MAP3K21: variants seen among roughly 807,000 people sequenced by gnomAD.
MAP3K21 encodes the protein mitogen-activated protein kinase kinase kinase 21.
Under a neutral mutation model 86.1 loss-of-function variants are expected in MAP3K21, and 63 were observed. The ratio of observed to expected loss-of-function variants is 0.73; its 90% CI spans 0.60 to 0.90. The LOEUF (loss-of-function observed/expected upper bound fraction) is 0.90, where lower values mean the gene tolerates loss of function less well. Among genes scored for constraint, MAP3K21 ranks in the 40% least tolerant of loss-of-function variants. The probability of loss-of-function intolerance (pLI) is 0.00; values close to 1 mark genes in which losing one functional copy is unlikely to be tolerated. For synonymous variants in MAP3K21, 558 were observed against 564.8 expected, an observed-to-expected ratio of 0.99 and a Z score of 0.17; for missense variants, 1,220 against 1,367.7, an observed-to-expected ratio of 0.89 and a Z score of 1.70.
At chr1:233,361,289 G>T (rs1663461427) in intron 4 of MAP3K21, among the ~76,000 whole-genome samples, 1 of 152,100 alleles carries the variant, frequency 6.6e-6, no homozygotes, top group African/African-American at 2.4e-5. Flanking sequence ...CCAAGATGAG[G>T]TCTAACTTTA....
intron 5 of MAP3K21, 118 bp downstream of exon 5, chr1:233,362,411 A>C (rs994248600): frequency 1.9e-6 from 2 of 1,052,714 alleles, no homozygotes; most frequent in Non-Finnish European, 2.8e-6. Flanking sequence ...ACAGTGAATG[A>C]ATGAGTATCT....
In MAP3K21 at chr1:233,346,467, T is replaced by G; in HGVS notation, c.831T>G (p.His277Gln). The G allele has an allele frequency of 1.2e-6, 2 of 1,611,764 alleles. No homozygotes were observed. Among genetic ancestry groups the G allele is most frequent in the East Asian group, 4.5e-5 (2 of 44,856 alleles). ...SNILLLEKIE[H>Q]DDICNKTLKI... Reference sequence around the variant, plus strand: ...TTTTGCTACTTGAGAAGATAGAACATGATGACATCTGCAATAAAACTTTGA... The same window carrying G: ...TTTTGCTACTTGAGAAGATAGAACAGGATGACATCTGCAATAAAACTTTGA... The change falls in exon 2 of 10, where the codon CAT (histidine) becomes CAG (glutamine). Residue 277 changes from histidine (H) to glutamine (Q), a missense_variant. His to Gln is a conservative substitution (Grantham distance 24). Transcript: ENST00000366624.
At position 233,328,155 on chromosome 1, in the gene MAP3K21, T is replaced by G. The variant is rs1302373941; in HGVS notation, c.127T>G (p.Trp43Gly). The change falls in exon 1 of 10, where the codon TGG (tryptophan) becomes GGG (glycine). Residue 43 changes from tryptophan (W) to glycine (G), a missense_variant. Around this residue, in one of 5 missense-constraint regions of MAP3K21, gnomAD observed 369 missense variants for 385.3 expected, o/e 0.96. Coordinates refer to ENST00000366624, the MANE Select transcript of MAP3K21 (RefSeq NM_032435.3). This position sits in a 1 kb window ranked among gnomAD's most constrained non-coding sequence, Gnocchi z 8.7. ...GGSASAGAGL[W>G]AALYDYEARG... ...CTCGGCCTCGGCGGGCGCGGGGCTG[T>G]GGGCCGCGCTCTATGACTACGAGGC... is the stretch of plus-strand genomic sequence containing the variant. 2 of 1,452,026 alleles carry G rather than the reference T, an allele frequency of 1.4e-6. No individual in the cohort carries two copies. Among genetic ancestry groups the G allele is most frequent in the Non-Finnish European group, 1.8e-6 (2 of 1,108,378 alleles). 89.9% of individuals were successfully genotyped at this position (1,452,026 alleles called of 1,614,324 possible).
chr1:233,347,095 A>G (rs374075173), intron 2 of MAP3K21, among the ~76,000 whole-genome samples: 46 of 152,020 alleles, frequency 3.0e-4, no homozygotes, highest in African/African-American at 1.1e-3. Flanking sequence ...AGTGTCCACT[A>G]TGTTTCCCAG....
intron 8 of MAP3K21, among the ~76,000 whole-genome samples, chr1:233,378,021 AG>A (rs541749538): frequency 6.6e-4 from 101 of 152,310 alleles, no homozygotes; most frequent in African/African-American, 2.4e-3. Flanking sequence ...TAAATGCAAA[AG>A]AAGCTTCACT....
chr1:233,330,044 G>A (rs1662782446), intron 1 of MAP3K21, among the ~76,000 whole-genome samples: 1 of 152,252 alleles, frequency 6.6e-6, no homozygotes. Context: ...GCCTACAACA[G>A]CTGGAGGTCT....
chr1:233,380,062 G>A (rs999280458), intron 9 of MAP3K21, among the ~76,000 whole-genome samples: 2 of 152,122 alleles, frequency 1.3e-5, no homozygotes, highest in African/African-American at 4.8e-5. Context: ...CTGGCCTCTC[G>A]CCTCCCTGCG....
chr1:233,383,090 TTTC>T lies in MAP3K21; in HGVS notation c.*382_*384del, dbSNP rs1270528981. On this transcript the variant is annotated 3_prime_UTR_variant, in exon 10 of 10. Coordinates refer to ENST00000366624, the MANE Select transcript of MAP3K21 (RefSeq NM_032435.3). Reference sequence around the variant, plus strand: ...ATTTTTGTTTCTTTCCTTCCTTTTTTTTCTTTTTTCCTTTCTTTCCTTTTTCTT... The same window carrying T: ...ATTTTTGTTTCTTTCCTTCCTTTTTTTTTTTTCCTTTCTTTCCTTTTTCTT... The T allele has an allele frequency of 1.3e-5, 2 of 155,882 alleles. No individual in the cohort carries two copies. Among genetic ancestry groups the T allele is most frequent in the African/African-American group, 4.8e-5 (2 of 41,570 alleles). 9.7% of individuals were successfully genotyped at this position (155,882 alleles called of 1,614,324 possible).
At chr1:233,381,065 G>A (rs1663904189) in intron 9 of MAP3K21, among the ~76,000 whole-genome samples, 1 of 152,174 alleles carries the variant, frequency 6.6e-6, no homozygotes, top group South Asian at 2.1e-4. Flanking sequence ...ATAGAACAAA[G>A]GTTCAAGTTC....
chr1:233,365,012 A>G (rs1663547326), intron 5 of MAP3K21, among the ~76,000 whole-genome samples: 1 of 152,206 alleles, frequency 6.6e-6, no homozygotes, highest in African/African-American at 2.4e-5. Flanking sequence ...ACAATATCCT[A>G]GAATGGGACA....
Position 233,382,766 on chromosome 1 carries a change from A to G in MAP3K21, c.*55A>G. 1 of 1,462,654 alleles carries G rather than the reference A, an allele frequency of 6.8e-7. No homozygotes were observed. The highest frequency in any genetic ancestry group is 9.4e-7 in the Non-Finnish European group (1 of 1,058,220). The allele number at this position is 1,462,654 out of a possible 1,614,324, so 90.6% of individuals were successfully genotyped here. On this transcript the variant is annotated 3_prime_UTR_variant, in exon 10 of 10. Coordinates refer to ENST00000366624, the MANE Select transcript of MAP3K21 (RefSeq NM_032435.3). ...TTTTTAAGGTGAACAAATGAACACAATGTATCTACCTTTGAACTGTTTCAT... is the reference window on the plus strand; with the variant it reads ...TTTTTAAGGTGAACAAATGAACACAGTGTATCTACCTTTGAACTGTTTCAT...
rs571069552 is a variant in MAP3K21, at chr1:233,376,453, A to C, written c.1850A>C (p.Asn617Thr). 1 of 1,613,430 alleles carries C rather than the reference A, an allele frequency of 6.2e-7. No individual in the cohort carries two copies. Among genetic ancestry groups the C allele is most frequent in the South Asian group, 1.1e-5 (1 of 91,040 alleles). The change falls in exon 8 of 10, where the codon AAC becomes ACC. Residue 617 changes from asparagine to threonine, a missense_variant. Physicochemically the swap from Asn to Thr is moderately conservative, Grantham distance 65 (BLOSUM62 0). Transcript: ENST00000366624. ...KERIRPLSDG[N>T]SPWSTILIKN... ...AGGATAAGACCTCTCTCCGATGGCA[A>C]CAGTCCTTGGTCAACTATCTTAATA...
chr1:233,346,724 C>A, intron 2 of MAP3K21, 102 bp downstream of exon 2: 1 of 977,570 alleles, frequency 1.0e-6, no homozygotes, highest in Non-Finnish European at 1.5e-6. Context: ...TAGTCGAGGC[C>A]TTTTTGAATG....
At chr1:233,349,433 C>A (rs1185981895) in intron 2 of MAP3K21, among the ~76,000 whole-genome samples, 2 of 151,974 alleles carry the variant, frequency 1.3e-5, no homozygotes, top group Admixed American at 1.3e-4. Flanking sequence ...ATGTAATTAC[C>A]AGGTATACGA....
intron 5 of MAP3K21, among the ~76,000 whole-genome samples, chr1:233,371,091 G>A (rs926744437): frequency 5.3e-5 from 8 of 152,138 alleles, no homozygotes; most frequent in African/African-American, 1.9e-4. Context: ...TCTTCCATAT[G>A]AACCTATAGA....
chr1:233,374,335 C>A (rs1344957114), intron 6 of MAP3K21, among the ~76,000 whole-genome samples: 1 of 152,002 alleles, frequency 6.6e-6, no homozygotes, highest in East Asian at 1.9e-4. Flanking sequence ...GCCACCACGC[C>A]CGGCTAATTT....
At chr1:233,369,220 CAAAA>C (rs35461412) in intron 5 of MAP3K21, among the ~76,000 whole-genome samples, 2 of 105,640 alleles carry the variant, frequency 1.9e-5, no homozygotes, top group African/African-American at 3.6e-5. Context: ...TAGTAAAATA[CAAAA>C]AAAAAAAAAA....
chr1:233,377,275 G>A (rs1663818348), intron 8 of MAP3K21, among the ~76,000 whole-genome samples: 1 of 152,106 alleles, frequency 6.6e-6, no homozygotes, highest in South Asian at 2.1e-4. Flanking sequence ...TTCAAGCACG[G>A]TTACTAACAC....
intron 1 of MAP3K21, among the ~76,000 whole-genome samples, chr1:233,337,881 A>G (rs1206169317): frequency 6.6e-6 from 1 of 152,212 alleles, no homozygotes; most frequent in Admixed American, 6.5e-5. Context: ...TTGATGGCAT[A>G]TAGGATGTTT....
Sources: gnomAD v4.1 joint callset for allele counts (sites outside exome capture counted in the v4.1 genomes callset) on GRCh38, gnomAD v4.1.1 for gene constraint, gnomAD v4.1.1 regional missense constraint, Gnocchi (gnomAD v3.1) non-coding constraint, MANE v1.5 for transcripts, NCBI Gene and HGNC (gene_info 2026-07-23, HGNC 2026-07-21) for gene names.